Variants in CRACDL observed in about 807,000 individuals in gnomAD.
CRACDL encodes the protein CRACD-like protein.
CRACDL carries 26 observed loss-of-function variants against 70.6 expected under a neutral mutation model. The ratio of observed to expected loss-of-function variants is 0.37; its 90% CI spans 0.27 to 0.51. The LOEUF (loss-of-function observed/expected upper bound fraction) is 0.51, where lower values mean the gene tolerates loss of function less well. Ranked by LOEUF, CRACDL falls within the 20% of genes least tolerant of loss-of-function variation. The probability of loss-of-function intolerance (pLI) is 0.94; values close to 1 mark genes in which losing one functional copy is unlikely to be tolerated. For missense variants in CRACDL, 1,283 were observed against 1,376.9 expected (o/e 0.93, Z 1.08); for synonymous variants, 618 against 615.2 (o/e 1.00, Z -0.07).
At chr2:98,879,532 T>C (rs1445079644) in intron 1 of CRACDL, among the ~76,000 whole-genome samples, 1 of 152,178 alleles carries the variant, frequency 6.6e-6, no homozygotes, top group Non-Finnish European at 1.5e-5. Flanking sequence ...CAAATCATTC[T>C]AGCCTCTGTA....
intron 7 of CRACDL, among the ~76,000 whole-genome samples, chr2:98,798,677 GCTTTTCTTTT>G (rs546974021): frequency 4.6e-5 from 7 of 151,296 alleles, no homozygotes; most frequent in Admixed American, 1.3e-4. Context: ...TAAATAAGTG[GCTTTTCTTTT>G]CTTTTCTTTT....
At chr2:98,842,266 G>A (rs910523763) in intron 2 of CRACDL, among the ~76,000 whole-genome samples, 4 of 151,766 alleles carry the variant, frequency 2.6e-5, no homozygotes, top group East Asian at 1.9e-4. Flanking sequence ...TTGAGCTGAT[G>A]TAATCTGTTG....
At position 98,827,065 on chromosome 2, in the gene CRACDL, G is replaced by A; in HGVS notation, c.645C>T (p.Ser215=). Residue 215 remains serine, a synonymous_variant, in exon 6 of 10, where the codon TCC becomes TCT. Transcript: ENST00000397899. ...CTGCAGAGTTGTCCAGGCAGGAGGA[G>A]GATTCTGCAGGATAACTGAAGTCAG... The part of the protein sequence containing the change: ...PVADFSYPAE[S]SSCLDNSAAK... 6.2e-7 allele frequency: 1 copy of A among 1,614,088 alleles called. No individual in the cohort carries two copies. The highest frequency in any genetic ancestry group is 8.5e-7 in the Non-Finnish European group (1 of 1,179,920).
intron 1 of CRACDL, among the ~76,000 whole-genome samples, chr2:98,866,073 C>T (rs1329461868): frequency 1.3e-5 from 2 of 152,134 alleles, no homozygotes; most frequent in Non-Finnish European, 2.9e-5. Context: ...GACAGAGAGA[C>T]AGATCTGCTC....
intron 9 of CRACDL, among the ~76,000 whole-genome samples, chr2:98,795,446 C>T (rs914836713): frequency 2.6e-5 from 4 of 152,004 alleles, no homozygotes; most frequent in East Asian, 1.9e-4. Flanking sequence ...CAGTGAAAGA[C>T]GCCAGATATA....
chr2:98,814,969 A>C (rs1401638921), intron 7 of CRACDL, among the ~76,000 whole-genome samples: 2 of 152,024 alleles, frequency 1.3e-5, no homozygotes, highest in Non-Finnish European at 2.9e-5. Flanking sequence ...CTTTTTCTGA[A>C]GTCTTCTTTG....
At chr2:98,906,260 CTT>C (rs200373942) in intron 1 of CRACDL, among the ~76,000 whole-genome samples, 47 of 139,118 alleles carry the variant, frequency 3.4e-4, no homozygotes, top group South Asian at 2.3e-3. Flanking sequence ...TTTTCTTTTC[CTT>C]TTTTTTTTTT....
intron 1 of CRACDL, among the ~76,000 whole-genome samples, chr2:98,912,274 C>T (rs748636907): frequency 6.6e-6 from 1 of 152,218 alleles, no homozygotes; most frequent in Non-Finnish European, 1.5e-5. Flanking sequence ...GAAAGAACAC[C>T]AGTCAGGAGG....
chr2:98,928,470 T>A (rs1472514687), intron 1 of CRACDL, among the ~76,000 whole-genome samples: 1 of 152,146 alleles, frequency 6.6e-6, no homozygotes, highest in Non-Finnish European at 1.5e-5. Context: ...ATCTCTAGTC[T>A]GTTCAGAGCC....
chr2:98,836,520 TG>T (rs1705788304), intron 3 of CRACDL, among the ~76,000 whole-genome samples: 3 of 152,244 alleles, frequency 2.0e-5, no homozygotes, highest in African/African-American at 4.8e-5. Flanking sequence ...CCACTTTCCA[TG>T]GGCTCCTGTG....
At chr2:98,873,776 G>C (rs1182293369) in intron 1 of CRACDL, among the ~76,000 whole-genome samples, 2 of 152,236 alleles carry the variant, frequency 1.3e-5, no homozygotes, top group Non-Finnish European at 2.9e-5. Context: ...GAAGCCAAGG[G>C]AGGCAGATCA....
chr2:98,795,772 C>T (rs143104765), intron 9 of CRACDL, among the ~76,000 whole-genome samples: 1 of 152,178 alleles, frequency 6.6e-6, no homozygotes, highest in African/African-American at 2.4e-5. Flanking sequence ...GCAGTCAGCC[C>T]GTGGAACCCG....
chr2:98,884,981 C>T (rs1707764249), intron 1 of CRACDL, among the ~76,000 whole-genome samples: 1 of 152,214 alleles, frequency 6.6e-6, no homozygotes, highest in Non-Finnish European at 1.5e-5. Context: ...CCTGTGCCTG[C>T]TTCTTCAAAC....
Position 98,797,480 on chromosome 2 carries a change from G to T in CRACDL, c.2474C>A (p.Pro825His), listed in dbSNP as rs1387962880. The T allele has an allele frequency of 5.0e-6, 8 of 1,614,230 alleles. No homozygotes were observed. The highest frequency in any genetic ancestry group is 6.8e-6 in the Non-Finnish European group (8 of 1,180,042). The change falls in exon 8 of 10, where the codon CCC becomes CAC. Residue 825 changes from proline to histidine, a missense_variant. Around this residue, in one of 2 missense-constraint regions of CRACDL, gnomAD observed 921 missense variants for 881.9 expected, o/e 1.04. Coordinates refer to ENST00000397899, the MANE Select transcript of CRACDL (RefSeq NM_207362.3). Reference sequence around the variant, plus strand: ...CTTCTGCCGAGTGACGGTGATCCAGGGTGGCGCAGGCTGCCCATCAGCTCC... The same window carrying T: ...CTTCTGCCGAGTGACGGTGATCCAGTGTGGCGCAGGCTGCCCATCAGCTCC... The part of the protein sequence containing the change: ...GPGADGQPAP[P>H]WITVTRQKRR...
At chr2:98,864,938 A>G (rs1318952640) in intron 1 of CRACDL, among the ~76,000 whole-genome samples, 1 of 152,258 alleles carries the variant, frequency 6.6e-6, no homozygotes, top group Non-Finnish European at 1.5e-5. Context: ...ACATTTTCAG[A>G]AAAGAAAAGT....
intron 1 of CRACDL, among the ~76,000 whole-genome samples, chr2:98,891,321 G>A (rs1349705186): frequency 1.5e-5 from 2 of 136,856 alleles, no homozygotes; most frequent in African/African-American, 5.6e-5. Flanking sequence ...AGGCTGCAGT[G>A]AGCCAAGATC....
In CRACDL at chr2:98,796,275, A is replaced by G. The variant is rs2104391069; in HGVS notation, c.2605-11T>C. ...TTGCTTCACAGGCTCCTGTTGGGAC[A>G]TAAGACACATGCTGCCAAGTTAACA... On this transcript the variant is annotated splice_polypyrimidine_tract_variant and intron_variant, in intron 8 of 9. Transcript: ENST00000397899. 1 of 1,610,838 alleles carries G rather than the reference A, an allele frequency of 6.2e-7. No homozygotes were observed. Among genetic ancestry groups the G allele is most frequent in the Non-Finnish European group, 8.5e-7 (1 of 1,177,092 alleles).
intron 5 of CRACDL, among the ~76,000 whole-genome samples, 199 bp downstream of exon 5, chr2:98,832,149 T>C (rs1705568299): frequency 6.6e-6 from 1 of 151,832 alleles, no homozygotes; most frequent in Admixed American, 6.6e-5. Context: ...CAAAACCACG[T>C]CTCCTAACCA....
intron 1 of CRACDL, among the ~76,000 whole-genome samples, chr2:98,911,216 C>A (rs1708540222): frequency 6.6e-6 from 1 of 152,218 alleles, no homozygotes; most frequent in African/African-American, 2.4e-5. Flanking sequence ...CTGGCCCTGC[C>A]TCCCTCATAG....
Sources: allele counts gnomAD v4.1 joint callset (sites outside exome capture counted in the v4.1 genomes callset), GRCh38; gene constraint gnomAD v4.1.1; regional missense constraint gnomAD v4.1.1; transcripts MANE v1.5; gene names NCBI Gene and HGNC (gene_info 2026-07-23, HGNC 2026-07-21).